Variants in BRSK1 observed in about 807,000 individuals in gnomAD.
BRSK1 encodes the protein serine/threonine-protein kinase BRSK1.
In BRSK1, 17 loss-of-function variants were observed where a neutral mutation model predicts 86.2. The ratio of observed to expected loss-of-function variants is 0.20; its 90% CI spans 0.14 to 0.30. The LOEUF (loss-of-function observed/expected upper bound fraction) is 0.30, where lower values mean the gene tolerates loss of function less well. Among genes scored for constraint, BRSK1 ranks in the 10% least tolerant of loss-of-function variants. The pLI is 1.00. For synonymous variants in BRSK1, 464 were observed against 440.1 expected (o/e 1.05, Z -0.68); for missense variants, 719 against 1,071.9 (o/e 0.67, Z 4.60).
chr19:55,297,102 AT>A (rs2088500068), intron 7 of BRSK1, among the ~76,000 whole-genome samples: 1 of 152,106 alleles, frequency 6.6e-6, no homozygotes, highest in African/African-American at 2.4e-5. Context: ...TTTGAGACGG[AT>A]TCTTGCTCTG....
chr19:55,290,951 G>A (rs1181272330), intron 4 of BRSK1, among the ~76,000 whole-genome samples: 1 of 151,594 alleles, frequency 6.6e-6, no homozygotes, highest in African/African-American at 2.4e-5. Flanking sequence ...TACACCTCAT[G>A]CTTTTTCTGT....
Position 55,302,920 on chromosome 19 carries a change from A to C in BRSK1, c.1028+53A>C, listed in dbSNP as rs2088593472. ...GTACCCACGTGGGGCGAGCTGCAGC[A>C]GCTCCCTGCGCACATGCAGAGTGCT... On this transcript the variant is annotated intron_variant, in intron 10 of 18. Coordinates refer to ENST00000309383, the MANE Select transcript of BRSK1 (RefSeq NM_032430.2). This position sits in a 1 kb window ranked among gnomAD's most constrained non-coding sequence, Gnocchi z 6.3. 1.3e-6 allele frequency: 2 copies of C among 1,579,954 alleles called. No individual in the cohort carries two copies. The highest frequency in any genetic ancestry group is 1.7e-6 in the Non-Finnish European group (2 of 1,157,760).
rs1048471367 is a variant in BRSK1, at chr19:55,307,519, A to G, written c.2089+1069A>G. ...AGCCAAGATTGTGCCACTGCACTCC[A>G]GCCTGAGCGACAGAGCGAGACTCTG... On this transcript the variant is annotated intron_variant, in intron 17 of 18. Transcript: ENST00000309383. Among the ~76,000 whole-genome samples, 6 of 143,234 alleles carry G rather than the reference A, an allele frequency of 4.2e-5. No homozygotes were observed. The East Asian group carries it at 1.2e-3, about 29-fold the overall frequency. The allele number at this position is 143,234 out of a possible 152,430, so 94.0% of individuals were successfully genotyped here. A position where few individuals can be genotyped will look rare whatever the true frequency, so the allele number is the denominator to read the frequency against.
rs2088272012 is a variant in BRSK1 at position 55,284,127 on chromosome 19, C to A, written c.-316C>A. 2 of 1,185,964 alleles carry A rather than the reference C, an allele frequency of 1.7e-6. No individual in the cohort carries two copies. Among genetic ancestry groups the A allele is most frequent in the Non-Finnish European group, 2.1e-6 (2 of 947,310 alleles). The allele number at this position is 1,185,964 out of a possible 1,614,324, so 73.5% of individuals were successfully genotyped here. A position where few individuals can be genotyped will look rare whatever the true frequency, so the allele number is the denominator to read the frequency against. On this transcript the variant is annotated 5_prime_UTR_variant, in exon 1 of 19. Transcript: ENST00000309383. ...TCGGCCTGCAGCATCCGCCGGCCCG[C>A]ACCTCAGACCCCCCCGGCGGGGGGA... is the stretch of plus-strand genomic sequence containing the variant.
chr19:55,290,582 A>G (rs2088389157), intron 4 of BRSK1, among the ~76,000 whole-genome samples: 1 of 151,454 alleles, frequency 6.6e-6, no homozygotes, highest in African/African-American at 2.4e-5. Context: ...AAAGCAAAAG[A>G]TTTTTCATTT....
At position 55,287,396 on chromosome 19, in the gene BRSK1, A is replaced by G. The variant is rs1174164587; in HGVS notation, c.317+97A>G. On this transcript the variant is annotated intron_variant, in intron 3 of 18. Coordinates refer to ENST00000309383, the MANE Select transcript of BRSK1 (RefSeq NM_032430.2). This position sits in a 1 kb window ranked among gnomAD's most constrained non-coding sequence, Gnocchi z 5.3. The stretch of plus-strand genomic sequence containing the variant: ...AACAGGGCCTAGGGGGACCTGGGGG[A>G]CCTGCAGCTCTCCAGGCTGGACCGC... The G allele has an allele frequency of 4.3e-6, 5 of 1,156,458 alleles. No individual in the cohort carries two copies. The South Asian group carries it at 5.1e-5, about 12-fold the overall frequency. The allele number at this position is 1,156,458 out of a possible 1,614,324, so 71.6% of individuals were successfully genotyped here. A position where few individuals can be genotyped will look rare whatever the true frequency, so the allele number is the denominator to read the frequency against.
chr19:55,301,508 C>T lies in BRSK1; in HGVS notation c.679-4C>T. 1 of 1,613,372 alleles carries T rather than the reference C, an allele frequency of 6.2e-7. No individual in the cohort carries two copies. The highest frequency in any genetic ancestry group is 1.7e-5 in the Admixed American group (1 of 59,958). ...ATGAGGGGTCCTGGTTATCTCTTGC[C>T]CAGGGGGCTCTGCCCTTTGATGACG... On this transcript the variant is annotated splice_region_variant and splice_polypyrimidine_tract_variant and intron_variant, in intron 7 of 18. Coordinates refer to ENST00000309383, the MANE Select transcript of BRSK1 (RefSeq NM_032430.2).
At chr19:55,289,364 C>T in intron 3 of BRSK1, 116 bp from the exon 4 acceptor site, 3 of 1,275,632 alleles carry the variant, frequency 2.4e-6, no homozygotes, top group South Asian at 1.5e-5. Context: ...TCTCTTTCTC[C>T]CAAGGATCAT....
chr19:55,310,833 C>T lies in BRSK1; in HGVS notation c.2180-1078C>T, dbSNP rs144223325. ...GCCTCAGCAACCAGGGGTCTCAAAA[C>T]GGGCACACCCTGGAAGATGTAGGAC... is the stretch of plus-strand genomic sequence containing the variant. On this transcript the variant is annotated intron_variant, in intron 18 of 18. Coordinates refer to ENST00000309383, the MANE Select transcript of BRSK1 (RefSeq NM_032430.2). This position sits in a 1 kb window ranked among gnomAD's most constrained non-coding sequence, Gnocchi z 5.0. 3.5e-3 allele frequency among the ~76,000 whole-genome samples: 540 copies of T among 152,258 alleles called. 3 individuals carry two copies. Among genetic ancestry groups the T allele is most frequent in the African/African-American group, 0.012 (514 of 41,542 alleles).
At chr19:55,286,971 G>C (rs201637981) in intron 1 of BRSK1, 36 bp from the exon 2 acceptor site, 2 of 1,605,882 alleles carry the variant, frequency 1.2e-6, no homozygotes, top group Non-Finnish European at 1.7e-6. Flanking sequence ...AAGGGGACCC[G>C]GCGGAACACC....
rs1489115752 is a variant in BRSK1, at chr19:55,305,345, G to C, written c.1742G>C (p.Ser581Thr). The change falls in exon 15 of 19, where the codon AGC becomes ACC. Residue 581 changes from serine to threonine, a missense_variant. Transcript: ENST00000309383. ...MQVPTAEEMS[S>T]LTPESSPELA... is the part of the protein sequence containing the mutation. ...GTCCCTACCGCTGAGGAGATGTCCA[G>C]CTTGACGCCAGAGTCCTCCCCGGAG... is the stretch of plus-strand genomic sequence containing the variant. 11 of 1,614,036 alleles carry C rather than the reference G, an allele frequency of 6.8e-6. No individual in the cohort carries two copies. Among genetic ancestry groups the C allele is most frequent in the Admixed American group, 5.0e-5 (3 of 60,004 alleles).
Position 55,287,830 on chromosome 19 carries a change from G to T in BRSK1, c.317+531G>T, listed in dbSNP as rs1165477050. On this transcript the variant is annotated intron_variant, in intron 3 of 18. Transcript: ENST00000309383. This position sits in a 1 kb window ranked among gnomAD's most constrained non-coding sequence, Gnocchi z 5.3. Reference sequence around the variant, plus strand: ...ACCCGCCAGGAAGGATGGGGGTGGGGGTCCAGCTGTCCAGACTCCAGAGAA... The same window carrying T: ...ACCCGCCAGGAAGGATGGGGGTGGGTGTCCAGCTGTCCAGACTCCAGAGAA... 6.6e-6 allele frequency among the ~76,000 whole-genome samples: 1 copy of T among 152,222 alleles called. No homozygotes were observed. Among genetic ancestry groups the T allele is most frequent in the African/African-American group, 2.4e-5 (1 of 41,464 alleles).
At position 55,303,104 on chromosome 19, in the gene BRSK1, C is replaced by A; in HGVS notation, c.1029-207C>A. 1 of 634,864 alleles carries A rather than the reference C, an allele frequency of 1.6e-6. No homozygotes were observed. The highest frequency in any genetic ancestry group is 2.7e-6 in the Non-Finnish European group (1 of 369,890). 39.3% of individuals were successfully genotyped at this position (634,864 alleles called of 1,614,324 possible). A position where few individuals can be genotyped will look rare whatever the true frequency, so the allele number is the denominator to read the frequency against. ...ACATAGTACTTACAAATAGTTCTTG[C>A]CTGGATGTTAGGTGTTACAGTGTTA... is the stretch of plus-strand genomic sequence containing the variant. On this transcript the variant is annotated intron_variant, in intron 10 of 18. Coordinates refer to ENST00000309383, the MANE Select transcript of BRSK1 (RefSeq NM_032430.2). The surrounding 1 kb of genome is among the most constrained non-coding windows in gnomAD (Gnocchi z 5.1).
At chr19:55,299,454 C>T (rs183258220) in intron 7 of BRSK1, among the ~76,000 whole-genome samples, 230 of 148,310 alleles carry the variant, frequency 1.6e-3, no homozygotes, top group African/African-American at 5.5e-3. Context: ...GGTGTGATCT[C>T]GGCTCACTGC....
At chr19:55,295,111 ATTTTAT>A (rs995585037) in intron 7 of BRSK1, among the ~76,000 whole-genome samples, 55 of 149,664 alleles carry the variant, frequency 3.7e-4, no homozygotes, top group African/African-American at 1.3e-3. Flanking sequence ...AGCTGAATTT[ATTTTAT>A]TTTTATTTTT....
intron 4 of BRSK1, among the ~76,000 whole-genome samples, chr19:55,292,833 CAAA>C (rs71181750): frequency 6.0e-5 from 8 of 132,868 alleles, no homozygotes; most frequent in Admixed American, 1.5e-4. Flanking sequence ...GACTCTGTCT[CAAA>C]AAAAAAAAAA....
rs911774186 is a variant in BRSK1, at chr19:55,301,721, A to G, written c.825+63A>G. 1.3e-5 allele frequency: 21 copies of G among 1,557,690 alleles called. 1 individual carries two copies. Among genetic ancestry groups the G allele is most frequent in the Middle Eastern group, 2.1e-4 (1 of 4,860 alleles). On this transcript the variant is annotated intron_variant, in intron 8 of 18. Transcript: ENST00000309383. Reference sequence around the variant, plus strand: ...GGCCGATGAAGACAGAACCCCCTAGAAAAGTCATGGGGATGGGTTTCCAGA... The same window carrying G: ...GGCCGATGAAGACAGAACCCCCTAGGAAAGTCATGGGGATGGGTTTCCAGA...
Position 55,304,716 on chromosome 19 carries a change from C to G in BRSK1, c.1513C>G (p.Pro505Ala). 1 of 1,502,360 alleles carries G rather than the reference C, an allele frequency of 6.7e-7. No individual in the cohort carries two copies. Among genetic ancestry groups the G allele is most frequent in the South Asian group, 1.3e-5 (1 of 78,388 alleles). The allele number at this position is 1,502,360 out of a possible 1,614,324, so 93.1% of individuals were successfully genotyped here. ...PSARSTPLPG[P>A]PGSPRSSGGT... ...TGCCCGCTCCACACCCCTGCCCGGC[C>G]CCCCAGGCTCCCCGCGCTCCTCTGG... Residue 505 changes from proline to alanine, a missense_variant, in exon 14 of 19, where the codon CCC (proline) becomes GCC (alanine). By Grantham distance (27) the Pro-to-Ala change is conservative. Around this residue, in one of 6 missense-constraint regions of BRSK1, gnomAD observed 143 missense variants for 120.1 expected, o/e 1.19. Transcript: ENST00000309383. This position sits in a 1 kb window ranked among gnomAD's most constrained non-coding sequence, Gnocchi z 5.2.
intron 18 of BRSK1, among the ~76,000 whole-genome samples, chr19:55,311,532 G>A (rs981336045): frequency 3.9e-5 from 6 of 152,088 alleles, no homozygotes; most frequent in Admixed American, 1.3e-4. Context: ...GGAGAGAGTC[G>A]GGGGGCCCCT....
Sources: gnomAD v4.1 joint callset for allele counts (sites outside exome capture counted in the v4.1 genomes callset) on GRCh38, gnomAD v4.1.1 for gene constraint, gnomAD v4.1.1 regional missense constraint, Gnocchi (gnomAD v3.1) non-coding constraint, MANE v1.5 for transcripts, NCBI Gene and HGNC (gene_info 2026-07-23, HGNC 2026-07-21) for gene names.